OCLN: variants seen among roughly 807,000 people sequenced by gnomAD.
OCLN encodes the protein phosphatase 1, regulatory subunit 115.
OCLN carries 21 observed loss-of-function variants against 47.9 expected under a neutral mutation model. That is an observed-to-expected ratio of 0.44 (90% CI 0.31 to 0.63). The LOEUF (loss-of-function observed/expected upper bound fraction) is 0.63, where lower values mean the gene tolerates loss of function less well. Among genes scored for constraint, OCLN ranks in the 30% least tolerant of loss-of-function variants. The probability of loss-of-function intolerance (pLI) is 0.08; values close to 1 mark genes in which losing one functional copy is unlikely to be tolerated. For missense variants in OCLN, 360 were observed against 571.0 expected (o/e 0.63, Z 3.77); for synonymous variants, 117 against 198.4 (o/e 0.59, Z 3.45).
At chr5:69,504,143 G>A in intron 1 of OCLN, 34 bp from the exon 2 acceptor site, 1 of 813,798 alleles carries the variant, frequency 1.2e-6, no homozygotes, top group South Asian at 1.4e-5. Context: ...TGTGAGCTTA[G>A]TAGTAATGCC....
intron 2 of OCLN, 135 bp from the exon 3 acceptor site, chr5:69,509,006 C>T (rs917224940): frequency 2.5e-5 from 19 of 769,344 alleles, no homozygotes; most frequent in Non-Finnish European, 3.9e-5. Context: ...TTTAACAAGC[C>T]CTCCAGGTGA....
Position 69,554,894 on chromosome 5 carries a change from T to A in OCLN, c.*1223T>A, listed in dbSNP as rs1769932754. 6.6e-6 allele frequency: 1 copy of A among 151,418 alleles called. No homozygotes were observed. Among genetic ancestry groups the A allele is most frequent in the African/African-American group, 2.4e-5 (1 of 41,326 alleles). 9.4% of individuals were successfully genotyped at this position (151,418 alleles called of 1,614,324 possible). ...TTCTAAAAACTTTTTTTTAGAATAA[T>A]CTATAAACTGAACTTTAGTATGCAT... On this transcript the variant is annotated 3_prime_UTR_variant, in exon 9 of 9. Coordinates refer to ENST00000396442, the MANE Select transcript of OCLN (RefSeq NM_001205254.2).
At chr5:69,525,415 A>G (rs920318716) in intron 4 of OCLN, among the ~76,000 whole-genome samples, 13 of 152,126 alleles carry the variant, frequency 8.5e-5, no homozygotes, top group Admixed American at 2.0e-4. Context: ...GTGAGTGTAC[A>G]TTTCTATAAG....
At chr5:69,533,058 CAT>C (rs200103849) in intron 4 of OCLN, among the ~76,000 whole-genome samples, 2,598 of 138,140 alleles carry the variant, frequency 0.019, 77 homozygotes, top group African/African-American at 0.062. Flanking sequence ...CACATATATA[CAT>C]ATATATATAC....
intron 3 of OCLN, among the ~76,000 whole-genome samples, 194 bp from the exon 4 acceptor site, chr5:69,513,754 C>G (rs1360355814): frequency 6.6e-6 from 1 of 152,144 alleles, no homozygotes; most frequent in African/African-American, 2.4e-5. Context: ...CATTTGCTGG[C>G]CTTAGCCCAG....
intron 4 of OCLN, among the ~76,000 whole-genome samples, chr5:69,529,800 A>G (rs1234680344): frequency 1.3e-5 from 2 of 151,926 alleles, no homozygotes; most frequent in Non-Finnish European, 2.9e-5. Flanking sequence ...ATGGGGTTTC[A>G]CCTTGTTTGC....
chr5:69,515,512 G>A (rs1266413089), intron 4 of OCLN, among the ~76,000 whole-genome samples: 3 of 137,088 alleles, frequency 2.2e-5, no homozygotes, highest in South Asian at 2.4e-4. Flanking sequence ...CCTCCCGGAC[G>A]GGGCGGCTGG....
At chr5:69,507,215 A>G (rs773261939) in intron 2 of OCLN, among the ~76,000 whole-genome samples, 1 of 152,030 alleles carries the variant, frequency 6.6e-6, no homozygotes, top group Non-Finnish European at 1.5e-5. Context: ...GCTCACTGCA[A>G]CCTCCACTTC....
chr5:69,536,997 A>T (rs1769607534), intron 5 of OCLN, among the ~76,000 whole-genome samples: 1 of 144,696 alleles, frequency 6.9e-6, no homozygotes, highest in Non-Finnish European at 1.5e-5. Context: ...AACAACAACA[A>T]AAAACACAAT....
At chr5:69,501,206 T>A (rs576489600) in intron 1 of OCLN, among the ~76,000 whole-genome samples, 81 of 152,276 alleles carry the variant, frequency 5.3e-4, no homozygotes, top group African/African-American at 1.8e-3. Context: ...GTGAGCCACC[T>A]CACCTGGCCT....
At chr5:69,526,986 G>T (rs1769297663) in intron 4 of OCLN, among the ~76,000 whole-genome samples, 1 of 152,112 alleles carries the variant, frequency 6.6e-6, no homozygotes, top group Non-Finnish European at 1.5e-5. Flanking sequence ...ACATCAAAAG[G>T]TGAAGCAGGG....
chr5:69,501,075 C>T (rs932303475), intron 1 of OCLN, among the ~76,000 whole-genome samples: 1 of 152,028 alleles, frequency 6.6e-6, no homozygotes, highest in South Asian at 2.1e-4. Flanking sequence ...TGCCACCATG[C>T]CCAGCTAATT....
At position 69,509,661 on chromosome 5, in the gene OCLN, A is replaced by G. The variant is rs764005265; in HGVS notation, c.571A>G (p.Ile191Val). 20 of 1,614,192 alleles carry G rather than the reference A, an allele frequency of 1.2e-5. No homozygotes were observed. Among genetic ancestry groups the G allele is most frequent in the Non-Finnish European group, 1.4e-5 (16 of 1,180,034 alleles). ...GGGCATCATGGTGTTTATTGCCACA[A>G]TTGTCTATATAATGGGAGTGAACCC... Reference protein sequence around the residue: ...ILGIMVFIATIVYIMGVNPTA... With the variant: ...ILGIMVFIATVVYIMGVNPTA... The change falls in exon 3 of 9, where the codon ATT becomes GTT. Residue 191 changes from isoleucine (I) to valine (V), a missense_variant. By Grantham distance (29) the Ile-to-Val change is conservative. Around this residue, in one of 3 missense-constraint regions of OCLN, gnomAD observed 314 missense variants for 368.1 expected, o/e 0.85. Coordinates refer to ENST00000396442, the MANE Select transcript of OCLN (RefSeq NM_001205254.2).
rs1263507427 is a variant in OCLN at position 69,493,461 on chromosome 5, G to T, written c.-69+561G>T. 2.0e-5 allele frequency among the ~76,000 whole-genome samples: 3 copies of T among 152,154 alleles called. No individual in the cohort carries two copies. Among genetic ancestry groups the T allele is most frequent in the African/African-American group, 4.8e-5 (2 of 41,436 alleles). On this transcript the variant is annotated intron_variant, in intron 1 of 8. Transcript: ENST00000396442. This position sits in a 1 kb window ranked among gnomAD's most constrained non-coding sequence, Gnocchi z 5.3. ...GGATTCAATCTGTGAAATATTCCAG[G>T]AGTCACGGTGTGGGCCACACTGGCT... is the stretch of plus-strand genomic sequence containing the variant.
Position 69,554,960 on chromosome 5 carries a change from CAG to C in OCLN, c.*1292_*1293del, listed in dbSNP as rs34202353. 0.069 allele frequency: 9,958 copies of C among 145,112 alleles called. 527 individuals carry two copies. The highest frequency in any genetic ancestry group is 0.11 in the Non-Finnish European group (7,219 of 66,186). 9.0% of individuals were successfully genotyped at this position (145,112 alleles called of 1,614,324 possible). A position where few individuals can be genotyped will look rare whatever the true frequency, so the allele number is the denominator to read the frequency against. On this transcript the variant is annotated 3_prime_UTR_variant, in exon 9 of 9. Coordinates refer to ENST00000396442, the MANE Select transcript of OCLN (RefSeq NM_001205254.2). ...ATATAATTTTTTTTTTTTTTTGAGA[CAG>C]AGTCTCACTCTCACCCAGGCTGGAA...
chr5:69,520,610 C>CTA lies in OCLN; in HGVS notation c.891+6501_891+6502insTA, dbSNP rs199996609. Among the ~76,000 whole-genome samples the CTA allele has an allele frequency of 7.7e-3, 1,163 of 151,776 alleles. 18 individuals carry two copies. Among genetic ancestry groups the CTA allele is most frequent in the African/African-American group, 0.026 (1,092 of 41,410 alleles). On this transcript the variant is annotated intron_variant, in intron 4 of 8. Coordinates refer to ENST00000396442, the MANE Select transcript of OCLN (RefSeq NM_001205254.2). ...CCTGGCCTGGGGTACTTTCTTTAAT[C>CTA]ATCTTTTTCCTTTCCTATTTCTTAT...
chr5:69,549,979 G>GT lies in OCLN; in HGVS notation c.1426-1554dup, dbSNP rs545929478. ...TATTTCTGGCTTTTCTTAACAGCAA[G>GT]TTTTTTTTTTTATATCAATAATAAA... On this transcript the variant is annotated intron_variant, in intron 7 of 8. Transcript: ENST00000396442. 5.2e-3 allele frequency among the ~76,000 whole-genome samples: 743 copies of GT among 142,528 alleles called. 7 individuals are homozygous for GT. The highest frequency in any genetic ancestry group is 0.015 in the African/African-American group (595 of 39,518). The allele number at this position is 142,528 out of a possible 152,430, so 93.5% of individuals were successfully genotyped here.
intron 4 of OCLN, among the ~76,000 whole-genome samples, chr5:69,524,462 G>GT (rs1769223838): frequency 1.3e-5 from 2 of 152,272 alleles, no homozygotes; most frequent in African/African-American, 2.4e-5. Context: ...TGTTTTGGGT[G>GT]TTTTTTAACT....
At chr5:69,498,355 C>T (rs933691112) in intron 1 of OCLN, among the ~76,000 whole-genome samples, 1 of 151,834 alleles carries the variant, frequency 6.6e-6, no homozygotes, top group Non-Finnish European at 1.5e-5. Flanking sequence ...TTAGCCTGGC[C>T]TGGTGGCATG....
Sources: gnomAD v4.1 joint callset for allele counts (sites outside exome capture counted in the v4.1 genomes callset) on GRCh38, gnomAD v4.1.1 for gene constraint, gnomAD v4.1.1 regional missense constraint, Gnocchi (gnomAD v3.1) non-coding constraint, MANE v1.5 for transcripts, NCBI Gene and HGNC (gene_info 2026-07-23, HGNC 2026-07-21) for gene names.